The following DLGAP1 variants were observed in gnomAD, a reference collection of about 807,000 sequenced individuals.
DLGAP1 encodes DLG associated protein 1.
A neutral mutation model predicts 90.8 loss-of-function variants in DLGAP1; 11 were observed. The ratio of observed to expected loss-of-function variants is 0.12; its 90% CI spans 0.08 to 0.20. DLGAP1 has a LOEUF of 0.20. Among genes scored for constraint, DLGAP1 ranks in the 10% least tolerant of loss-of-function variants. DLGAP1 has a pLI of 1.00. For missense variants in DLGAP1, 1,050 were observed against 1,333.8 expected, an observed-to-expected ratio of 0.79 and a Z score of 3.31; for synonymous variants, 558 against 540.7, an observed-to-expected ratio of 1.03 and a Z score of -0.44.
intron 8 of DLGAP1, among the ~76,000 whole-genome samples, chr18:3,574,114 A>G (rs539598625): frequency 1.2e-4 from 19 of 152,230 alleles, no homozygotes; most frequent in Non-Finnish European, 2.2e-4. Context: ...AGAATCTTTT[A>G]TAGTTTTTCG....
chr18:4,090,329 A>C (rs915706931), intron 2 of DLGAP1, among the ~76,000 whole-genome samples: 1 of 152,178 alleles, frequency 6.6e-6, no homozygotes, highest in Admixed American at 6.5e-5. Flanking sequence ...AATGGGAGAA[A>C]ATTTTTGCAA....
rs537279833 is a variant in DLGAP1 at position 4,109,200 on chromosome 18, G to A, written c.-159+41980C>T. Among the ~76,000 whole-genome samples the A allele has an allele frequency of 1.3e-4, 20 of 152,074 alleles. 1 individual carries two copies. In the South Asian group the frequency reaches 4.1e-3, roughly 32 times the overall value. The stretch of plus-strand genomic sequence containing the variant: ...GTGTCCTTTGGGGAAGTGGTTGTGT[G>A]TGGACTAACTAAGCTATATCACTTG... On this transcript the variant is annotated intron_variant, in intron 2 of 12. Transcript: ENST00000315677.
At chr18:4,157,371 A>G (rs1158547094) in intron 1 of DLGAP1, among the ~76,000 whole-genome samples, 1 of 152,222 alleles carries the variant, frequency 6.6e-6, no homozygotes, top group African/African-American at 2.4e-5. Context: ...AAATTCCAGA[A>G]TGAGGTCTGC....
At position 3,581,912 on chromosome 18, in the gene DLGAP1, T is replaced by C. The variant is rs1251322495; in HGVS notation, c.1928A>G (p.His643Arg). The change falls in exon 8 of 13, where the codon CAC becomes CGC. Residue 643 changes from histidine to arginine, a missense_variant. Transcript: ENST00000315677. ...TVTTEDRKKD[H>R]FKKNRCLSIG... ...AGACAGGCATCGATTTTTCTTAAAG[T>C]GGTCCTTCTTCCTGTCCTCCGTGGT... is the stretch of plus-strand genomic sequence containing the variant. The C allele has an allele frequency of 1.3e-5, 21 of 1,614,084 alleles. No homozygotes were observed. The highest frequency in any genetic ancestry group is 1.8e-5 in the Non-Finnish European group (21 of 1,180,048).
intron 2 of DLGAP1, among the ~76,000 whole-genome samples, chr18:4,010,127 T>G (rs1375140107): frequency 1.3e-5 from 2 of 152,224 alleles, no homozygotes; most frequent in African/African-American, 4.8e-5. Flanking sequence ...CTCTAAATAT[T>G]CCATTGAGAT....
At chr18:3,978,579 G>A (rs1389888042) in intron 3 of DLGAP1, 2 of 230,142 alleles carry the variant, frequency 8.7e-6, no homozygotes, top group South Asian at 7.2e-5. Context: ...TGCCCAACAC[G>A]ACCAAGTTCG....
chr18:3,931,080 G>C (rs1004255716), intron 3 of DLGAP1, among the ~76,000 whole-genome samples: 13 of 152,196 alleles, frequency 8.5e-5, no homozygotes, highest in Admixed American at 7.8e-4. Context: ...CAAGCTTAAG[G>C]CTGGGCCAGT....
chr18:4,382,006 G>C (rs926183700), intron 1 of DLGAP1, among the ~76,000 whole-genome samples: 1 of 152,088 alleles, frequency 6.6e-6, no homozygotes, highest in African/African-American at 2.4e-5. Context: ...GATCTCATGA[G>C]ACTTATTCAC....
chr18:4,302,018 T>C (rs546683808), intron 1 of DLGAP1, among the ~76,000 whole-genome samples: 1 of 152,182 alleles, frequency 6.6e-6, no homozygotes, highest in African/African-American at 2.4e-5. Flanking sequence ...TGTTTGAGTT[T>C]CTTATATATA....
At chr18:4,225,970 A>C (rs1478790153) in intron 1 of DLGAP1, among the ~76,000 whole-genome samples, 3 of 152,156 alleles carry the variant, frequency 2.0e-5, no homozygotes, top group Admixed American at 6.5e-5. Flanking sequence ...CAAGCAGATT[A>C]ACCTAAAGAC....
chr18:3,659,758 G>T (rs941910072), intron 7 of DLGAP1, among the ~76,000 whole-genome samples: 18 of 152,024 alleles, frequency 1.2e-4, no homozygotes, highest in Non-Finnish European at 4.4e-5. Context: ...TAGAGACAGG[G>T]TTTCACCATG....
At chr18:3,530,112 A>G (rs1407234838) in intron 10 of DLGAP1, among the ~76,000 whole-genome samples, 1 of 152,216 alleles carries the variant, frequency 6.6e-6, no homozygotes, top group African/African-American at 2.4e-5. Flanking sequence ...AGTCCTGTTG[A>G]AAGCCAGCCA....
chr18:4,387,834 G>A (rs894687242), intron 1 of DLGAP1, among the ~76,000 whole-genome samples: 1 of 152,038 alleles, frequency 6.6e-6, no homozygotes, highest in Non-Finnish European at 1.5e-5. Context: ...GGGAGGCTGA[G>A]GCAGGAGAAT....
chr18:3,710,448 T>G (rs1043060684), intron 7 of DLGAP1, among the ~76,000 whole-genome samples: 1 of 152,146 alleles, frequency 6.6e-6, no homozygotes, highest in Non-Finnish European at 1.5e-5. Context: ...GAGGTATAGG[T>G]TTAGAAGGTT....
intron 3 of DLGAP1, among the ~76,000 whole-genome samples, chr18:3,973,598 A>G (rs111934075): frequency 0.011 from 1,751 of 152,266 alleles, 35 homozygotes; most frequent in African/African-American, 0.04. Flanking sequence ...TTCTAACTCG[A>G]CTACATTTCT....
chr18:3,992,553 C>T (rs1030140343), intron 3 of DLGAP1, among the ~76,000 whole-genome samples: 2 of 152,108 alleles, frequency 1.3e-5, no homozygotes, highest in African/African-American at 2.4e-5. Flanking sequence ...TGGTGCACAA[C>T]TGTGGTCTCA....
Position 3,523,583 on chromosome 18 carries a change from C to G in DLGAP1, c.2479+10611G>C, listed in dbSNP as rs564910191. On this transcript the variant is annotated intron_variant, in intron 10 of 12. Coordinates refer to ENST00000315677, the MANE Select transcript of DLGAP1 (RefSeq NM_004746.4). ...AAAGGTCCGACCAGGTGCGGTGGCT[C>G]ACGCCTGTAATCCCAGCACTTTGGG... 8.5e-5 allele frequency among the ~76,000 whole-genome samples: 13 copies of G among 152,054 alleles called. 1 individual carries two copies. The highest frequency in any genetic ancestry group is 1.2e-4 in the African/African-American group (5 of 41,392).
At chr18:3,840,210 A>G (rs1373997787) in intron 4 of DLGAP1, among the ~76,000 whole-genome samples, 1 of 152,092 alleles carries the variant, frequency 6.6e-6, no homozygotes, top group Non-Finnish European at 1.5e-5. Context: ...AAATATCACC[A>G]CTATATTCTT....
intron 2 of DLGAP1, among the ~76,000 whole-genome samples, chr18:4,097,439 A>T (rs1004822830): frequency 3.3e-5 from 5 of 152,244 alleles, no homozygotes; most frequent in Admixed American, 3.3e-4. Context: ...GTACTTTGTC[A>T]AAAGTGCTCA....
Sources: gnomAD v4.1 joint callset for allele counts (sites outside exome capture counted in the v4.1 genomes callset) on GRCh38, gnomAD v4.1.1 for gene constraint, MANE v1.5 for transcripts, NCBI Gene and HGNC (gene_info 2026-07-23, HGNC 2026-07-21) for gene names.